Variants in MON1A observed in about 807,000 individuals in gnomAD.
MON1A encodes vacuolar fusion protein MON1 homolog A.
MON1A carries 29 observed loss-of-function variants against 44.6 expected under a neutral mutation model. The observed-to-expected ratio is 0.65, with a 90% CI of 0.48 to 0.89. The LOEUF is 0.89. MON1A is among the 40% of genes least tolerant of loss of function. MON1A has a pLI of 0.00. For synonymous variants in MON1A, 275 were observed against 316.4 expected (o/e 0.87, Z 1.39); for missense variants, 615 against 759.6 (o/e 0.81, Z 2.24).
chr3:49,929,683 G>A lies in MON1A; in HGVS notation c.-88C>T, dbSNP rs566578324. The A allele has an allele frequency of 1.5e-4, 225 of 1,551,146 alleles. 2 individuals carry two copies. The South Asian group carries it at 2.5e-3, about 17-fold the overall frequency. The stretch of plus-strand genomic sequence containing the variant: ...TCTGCCGGACCCATGGAGGGGTAAG[G>A]GTGTCCGGCCGGGGCCGGCCTGAGG... On this transcript the variant is annotated 5_prime_UTR_variant, in exon 1 of 6. Transcript: ENST00000296473.
chr3:49,911,943 C>T lies in MON1A; in HGVS notation c.196G>A (p.Gly66Arg), dbSNP rs770345029. The T allele has an allele frequency of 3.1e-6, 5 of 1,613,506 alleles. No individual in the cohort carries two copies. The highest frequency in any genetic ancestry group is 3.4e-6 in the Non-Finnish European group (4 of 1,179,680). ...TTGTGGCTGTCCCCAGAAGCTGCCC[C>T]ATCCTCTGACTCAGTCAGGTCCTCG... is the stretch of plus-strand genomic sequence containing the variant. ...SYEDLTESEDGAASGDSHKEG... is the reference protein window; with the variant it reads ...SYEDLTESEDRAASGDSHKEG... Residue 66 changes from glycine (G) to arginine (R), a missense_variant, in exon 3 of 6, where the codon GGG (glycine) becomes AGG (arginine). Gly to Arg is a moderately radical substitution (Grantham distance 125). Coordinates refer to ENST00000296473, the MANE Select transcript of MON1A (RefSeq NM_032355.4). The surrounding 1 kb of genome is among the most constrained non-coding windows in gnomAD (Gnocchi z 5.7).
At chr3:49,924,295 A>G (rs2083030359) in intron 1 of MON1A, among the ~76,000 whole-genome samples, 1 of 152,174 alleles carries the variant, frequency 6.6e-6, no homozygotes, top group Non-Finnish European at 1.5e-5. Flanking sequence ...GATGGTCTCT[A>G]GTAATCCTCA....
intron 1 of MON1A, among the ~76,000 whole-genome samples, chr3:49,919,557 G>A (rs958891423): frequency 3.3e-5 from 5 of 152,156 alleles, no homozygotes; most frequent in Non-Finnish European, 7.3e-5. Context: ...TCCGCTCACT[G>A]CAACCTCTGA....
In MON1A at chr3:49,911,754, G is replaced by A. The variant is rs754210953; in HGVS notation, c.385C>T (p.Arg129Ter). The part of the protein sequence containing the change: ...DWLEPPGAVG[R>*]PATEPPREGT... ...TCCCTGGGGGGCTCTGTGGCTGGTC[G>A]CCCAACTGCCCCTGGGGGTTCCAGC... is the stretch of plus-strand genomic sequence containing the variant. The change falls in exon 3 of 6, where the codon CGA (arginine) becomes TGA (stop). Residue 129 changes from arginine (R) to a stop codon, truncating the protein, a stop_gained. Transcript: ENST00000296473. LOFTEE classifies it high-confidence loss of function. This position sits in a 1 kb window ranked among gnomAD's most constrained non-coding sequence, Gnocchi z 5.7. 1.1e-5 allele frequency: 17 copies of A among 1,613,250 alleles called. No individual in the cohort carries two copies. The East Asian group carries it at 1.3e-4, about 13-fold the overall frequency.
intron 1 of MON1A, among the ~76,000 whole-genome samples, chr3:49,921,044 TACTC>T (rs1278189868): frequency 6.6e-6 from 1 of 151,482 alleles, no homozygotes; most frequent in Non-Finnish European, 1.5e-5. Context: ...TGGTCCCAGT[TACTC>T]AGGAGGCTAA....
chr3:49,921,785 G>A (rs1356548153), intron 1 of MON1A, among the ~76,000 whole-genome samples: 1 of 151,638 alleles, frequency 6.6e-6, no homozygotes, highest in Admixed American at 6.6e-5. Context: ...TCAGCCTCCC[G>A]AGTAGCAGGG....
intron 1 of MON1A, among the ~76,000 whole-genome samples, chr3:49,927,912 C>A (rs190848966): frequency 0.022 from 3,381 of 150,532 alleles, 54 homozygotes; most frequent in Non-Finnish European, 0.036. Context: ...AAAAAAAAAA[C>A]AACAAAAAAA....
chr3:49,926,371 C>T (rs1248066826), intron 1 of MON1A, among the ~76,000 whole-genome samples: 1 of 152,220 alleles, frequency 6.6e-6, no homozygotes, highest in Non-Finnish European at 1.5e-5. Flanking sequence ...TGCTCCTTAC[C>T]CCTCTTGCCC....
At chr3:49,924,734 T>C (rs1357742432) in intron 1 of MON1A, 3 of 161,432 alleles carry the variant, frequency 1.9e-5, no homozygotes, top group Non-Finnish European at 4.1e-5. Context: ...ATAAAAGACA[T>C]TGTGGCTTCT....
Position 49,911,034 on chromosome 3 carries a change from C to A in MON1A, c.614-150G>T, listed in dbSNP as rs773984601. On this transcript the variant is annotated intron_variant, in intron 3 of 5. Transcript: ENST00000296473. This position sits in a 1 kb window ranked among gnomAD's most constrained non-coding sequence, Gnocchi z 5.7. ...TTTAAGGATGTTCAGGATAAAAACC[C>A]ATTGCTCCTTCTCCCTGAGGGCTCA... The A allele has an allele frequency of 4.8e-5, 38 of 787,182 alleles. No individual in the cohort carries two copies. The highest frequency in any genetic ancestry group is 7.0e-5 in the Non-Finnish European group (36 of 511,792). 48.8% of individuals were successfully genotyped at this position (787,182 alleles called of 1,614,324 possible).
At chr3:49,919,258 C>A (rs76859419) in intron 1 of MON1A, among the ~76,000 whole-genome samples, 3,291 of 152,204 alleles carry the variant, frequency 0.022, 144 homozygotes, top group African/African-American at 0.076. Flanking sequence ...GATTTGTGAA[C>A]TTTTCTATAT....
chr3:49,929,756 C>A lies in MON1A; in HGVS notation c.-161G>T. On this transcript the variant is annotated 5_prime_UTR_variant, in exon 1 of 6. Transcript: ENST00000296473. ...CCCCCTGCGTACACAGACATGGCCA[C>A]AGCGCAGGCACCGCTCCCTCCCACC... 1 of 1,549,614 alleles carries A rather than the reference C, an allele frequency of 6.5e-7. No homozygotes were observed. Among genetic ancestry groups the A allele is most frequent in the Non-Finnish European group, 8.7e-7 (1 of 1,146,722 alleles).
chr3:49,910,384 AT>A lies in MON1A; in HGVS notation c.1113del (p.Lys371AsnfsTer15). On this transcript the variant is annotated frameshift_variant, in exon 4 of 6. Transcript: ENST00000296473. LOFTEE classifies it high-confidence loss of function. The surrounding 1 kb of genome is among the most constrained non-coding windows in gnomAD (Gnocchi z 8.0). Reference protein sequence around the residue: ...GEAWTPVCLPKFNAAGFFHAH... With the variant: ...GEAWTPVCLPXFNAAGFFHAH... ...GCGTGGAAGAAGCCGGCTGCGTTGA[AT>A]TTGGGCAGGCACACGGGCGTCCAGG... The A allele has an allele frequency of 1.2e-6, 2 of 1,614,224 alleles. No homozygotes were observed. Among genetic ancestry groups the A allele is most frequent in the Non-Finnish European group, 1.7e-6 (2 of 1,180,034 alleles).
chr3:49,919,682 G>A lies in MON1A; in HGVS notation c.-13-6323C>T, dbSNP rs185885890. The stretch of plus-strand genomic sequence containing the variant: ...TTTAGTAGAGACGGGGTTTCACTAT[G>A]TTGGCCAGGCTGGTCTCAGGTGATC... On this transcript the variant is annotated intron_variant, in intron 1 of 5. Transcript: ENST00000296473. 1.2e-4 allele frequency among the ~76,000 whole-genome samples: 18 copies of A among 152,274 alleles called. No individual in the cohort carries two copies. The East Asian group carries it at 2.3e-3, about 20-fold the overall frequency.
chr3:49,919,202 A>G (rs2082974661), intron 1 of MON1A, among the ~76,000 whole-genome samples: 1 of 151,966 alleles, frequency 6.6e-6, no homozygotes, highest in Non-Finnish European at 1.5e-5. Context: ...AAACCAAACA[A>G]TTTTGGGGGT....
intron 2 of MON1A, chr3:49,912,895 G>C: frequency 2.4e-6 from 1 of 420,554 alleles, no homozygotes; most frequent in Middle Eastern, 6.7e-4. Context: ...GAAATAATTA[G>C]TGTGCTATAC....
At chr3:49,914,729 G>A (rs2082928523) in intron 1 of MON1A, among the ~76,000 whole-genome samples, 1 of 151,576 alleles carries the variant, frequency 6.6e-6, no homozygotes, top group South Asian at 2.1e-4. Context: ...TATATTTTTA[G>A]TAGAGACAAG....
In MON1A at chr3:49,910,412, C is replaced by T. The variant is rs771491450; in HGVS notation, c.1086G>A (p.Glu362=). The T allele has an allele frequency of 4.3e-6, 7 of 1,614,106 alleles. No individual in the cohort carries two copies. The highest frequency in any genetic ancestry group is 3.4e-6 in the Non-Finnish European group (4 of 1,180,048). The change falls in exon 4 of 6, where the codon GAG becomes GAA. Residue 362 remains glutamate (E), a synonymous_variant. Transcript: ENST00000296473. The surrounding 1 kb of genome is among the most constrained non-coding windows in gnomAD (Gnocchi z 8.0). ...ISSSSSFREG[E]AWTPVCLPKF... is the part of the protein sequence containing the mutation. ...TGGGCAGGCACACGGGCGTCCAGGCCTCGCCCTCGCGAAAGGACGAGGAGG... is the reference window on the plus strand; with the variant it reads ...TGGGCAGGCACACGGGCGTCCAGGCTTCGCCCTCGCGAAAGGACGAGGAGG...
Position 49,909,794 on chromosome 3 carries a change from G to T in MON1A, c.1379+325C>A, listed in dbSNP as rs2082852651. 1 of 352,072 alleles carries T rather than the reference G, an allele frequency of 2.8e-6. No individual in the cohort carries two copies. 21.8% of individuals were successfully genotyped at this position (352,072 alleles called of 1,614,324 possible). A position where few individuals can be genotyped will look rare whatever the true frequency, so the allele number is the denominator to read the frequency against. On this transcript the variant is annotated intron_variant, in intron 4 of 5. Transcript: ENST00000296473. The surrounding 1 kb of genome is among the most constrained non-coding windows in gnomAD (Gnocchi z 4.0). The stretch of plus-strand genomic sequence containing the variant: ...CTGCTGGGGGAGGGGGTGGAGGAGG[G>T]CTGTGCTTCCTGAGCTGGACCAAAA...
Sources: allele counts gnomAD v4.1 joint callset (sites outside exome capture counted in the v4.1 genomes callset), GRCh38; gene constraint gnomAD v4.1.1; non-coding constraint Gnocchi (gnomAD v3.1); transcripts MANE v1.5; gene names NCBI Gene and HGNC (gene_info 2026-07-23, HGNC 2026-07-21).